Variants in CASP10 observed in about 807,000 individuals in gnomAD.
CASP10 encodes caspase-10.
CASP10 carries 41 observed loss-of-function variants against 48.5 expected under a neutral mutation model. That is an observed-to-expected ratio of 0.85 (90% confidence interval 0.66 to 1.10). The LOEUF is 1.10. Among genes scored for constraint, CASP10 ranks in the 50% least tolerant of loss-of-function variants. The pLI, the probability that CASP10 is intolerant of heterozygous loss-of-function variation, is 0.00. For synonymous variants in CASP10, 232 were observed against 238.4 expected (o/e 0.97, Z 0.25); for missense variants, 614 against 614.5 (o/e 1.00, Z 0.01).
chr2:201,227,553 G>T (rs1945803866), intron 9 of CASP10, among the ~76,000 whole-genome samples: 1 of 151,968 alleles, frequency 6.6e-6, no homozygotes, highest in Admixed American at 6.6e-5. Context: ...AATGTAATTT[G>T]ATTTTTTATT....
chr2:201,200,310 G>A, intron 5 of CASP10: 1 of 757,208 alleles, frequency 1.3e-6, no homozygotes, highest in South Asian at 1.7e-5. Context: ...AGCGTCTGCT[G>A]ATGATTCTTG....
At chr2:201,198,539 C>CTTTTTTTT (rs34234167) in intron 5 of CASP10, among the ~76,000 whole-genome samples, 2 of 87,980 alleles carry the variant, frequency 2.3e-5, no homozygotes, top group Non-Finnish European at 4.2e-5. Context: ...TTTTTTAATT[C>CTTTTTTTT]TTTTTTTTTT....
At chr2:201,229,338 G>A (rs1945831708) in exon 10 of CASP10, 1 of 539,780 alleles carries the variant, frequency 1.9e-6, no homozygotes, top group East Asian at 3.2e-5. Flanking sequence ...ACAAGCGGAT[G>A]GTTAAACAAT....
At chr2:201,215,668 A>G (rs1945547002) in intron 9 of CASP10, among the ~76,000 whole-genome samples, 1 of 152,072 alleles carries the variant, frequency 6.6e-6, no homozygotes, top group Admixed American at 6.6e-5. Flanking sequence ...TTTGTAGTAT[A>G]TTTTGAAGTC....
At position 201,187,686 on chromosome 2, in the gene CASP10, A is replaced by AT. The variant is rs771877930; in HGVS notation, c.348-16dup. ...CCACAAGTGTAAGGCTTTATTTGTC[A>AT]TTTTGGGTGTGTGTCTTAGAAACCT... On this transcript the variant is annotated intron_variant, in intron 2 of 9. Coordinates refer to ENST00000286186, the MANE Select transcript of CASP10 (RefSeq NM_032977.4). 33 of 1,584,856 alleles carry AT rather than the reference A, an allele frequency of 2.1e-5. No individual in the cohort carries two copies. The Admixed American group carries it at 5.0e-4, about 24-fold the overall frequency.
chr2:201,209,219 C>A lies in CASP10; in HGVS notation c.1072C>A (p.His358Asn). The A allele has an allele frequency of 6.2e-7, 1 of 1,614,114 alleles. No individual in the cohort carries two copies. ...CTGCTTCGTGTTCTGTATTCTGACC[C>A]ATGGGAGATTTGGAGCTGTCTACTC... Reference protein sequence around the residue: ...GDCFVFCILTHGRFGAVYSSD... With the variant: ...GDCFVFCILTNGRFGAVYSSD... The change falls in exon 9 of 10, where the codon CAT (histidine) becomes AAT (asparagine). Residue 358 changes from histidine (H) to asparagine (N), a missense_variant. Physicochemically the swap from His to Asn is moderately conservative, Grantham distance 68. Coordinates refer to ENST00000286186, the MANE Select transcript of CASP10 (RefSeq NM_032977.4).
At chr2:201,211,112 G>A (rs575755393) in intron 9 of CASP10, among the ~76,000 whole-genome samples, 9 of 152,232 alleles carry the variant, frequency 5.9e-5, no homozygotes, top group African/African-American at 2.2e-4. Context: ...AGCCTCTCTT[G>A]TAGCTATTTT....
At chr2:201,212,947 G>A (rs1334454473) in intron 9 of CASP10, 1 of 152,192 alleles carries the variant, frequency 6.6e-6, no homozygotes, top group Non-Finnish European at 1.5e-5. Flanking sequence ...TGGGAATGAG[G>A]CTAATGGTGA....
At position 201,219,512 on chromosome 2, in the gene CASP10, G is replaced by C. The variant is rs1945668296; in HGVS notation, c.*1771G>C. The C allele has an allele frequency of 2.0e-6, 2 of 985,284 alleles. No homozygotes were observed. Among genetic ancestry groups the C allele is most frequent in the Non-Finnish European group, 2.4e-6 (2 of 829,968 alleles). 61.0% of individuals were successfully genotyped at this position (985,284 alleles called of 1,614,324 possible). On this transcript the variant is annotated 3_prime_UTR_variant, in exon 10 of 10. Coordinates refer to ENST00000286186, the MANE Select transcript of CASP10 (RefSeq NM_032977.4). ...GACTGCAGTGGACAGTCCCCACCTT[G>C]TTACTGCTACTACACTTTGCTCCTC... is the stretch of plus-strand genomic sequence containing the variant.
rs1394963687 is a variant in CASP10 at position 201,201,302 on chromosome 2, T to TTA, written c.685-2427_685-2426dup. 1.6e-3 allele frequency among the ~76,000 whole-genome samples: 237 copies of TTA among 152,184 alleles called. 1 individual carries two copies. Among genetic ancestry groups the TTA allele is most frequent in the Non-Finnish European group, 7.4e-4 (50 of 68,014 alleles). ...TCCTGAGTCTCCCAAAGTGCTGGGA[T>TTA]TACAGGCATGAGCTATTGTGCATGG... On this transcript the variant is annotated intron_variant, in intron 5 of 9. Coordinates refer to ENST00000286186, the MANE Select transcript of CASP10 (RefSeq NM_032977.4).
chr2:201,194,602 G>A (rs1007627767), intron 4 of CASP10, among the ~76,000 whole-genome samples: 3 of 152,136 alleles, frequency 2.0e-5, no homozygotes, highest in Admixed American at 2.0e-4. Flanking sequence ...CCTCACATGA[G>A]CTCTGAGTTT....
intron 3 of CASP10, among the ~76,000 whole-genome samples, chr2:201,189,251 T>C (rs183403082): frequency 6.7e-6 from 1 of 148,288 alleles, no homozygotes; most frequent in Non-Finnish European, 1.5e-5. Context: ...TGTGAATCCT[T>C]GATTCTTTTC....
intron 5 of CASP10, among the ~76,000 whole-genome samples, chr2:201,201,900 A>G (rs1231920602): frequency 2.0e-5 from 3 of 152,132 alleles, no homozygotes; most frequent in Non-Finnish European, 2.9e-5. Context: ...ATGTTTAAAA[A>G]TTAAATTTAT....
chr2:201,225,073 C>G (rs1481976359), downstream of CASP10, among the ~76,000 whole-genome samples: 1 of 152,172 alleles, frequency 6.6e-6, no homozygotes, highest in Non-Finnish European at 1.5e-5. Flanking sequence ...GCATGTCCCT[C>G]TCTGACAACC....
At chr2:201,225,835 G>A (rs1236532492), downstream of CASP10, among the ~76,000 whole-genome samples, 2 of 152,056 alleles carry the variant, frequency 1.3e-5, no homozygotes, top group African/African-American at 2.4e-5. Flanking sequence ...GCATGGTGGC[G>A]CACACCTGTG....
chr2:201,195,131 G>A (rs779679140), intron 4 of CASP10, among the ~76,000 whole-genome samples: 32 of 151,566 alleles, frequency 2.1e-4, no homozygotes, highest in Admixed American at 8.6e-4. Context: ...TTGCTCTGTC[G>A]CCCAGGCTGG....
chr2:201,210,089 T>C (rs2126049443), intron 9 of CASP10, among the ~76,000 whole-genome samples: 1 of 152,354 alleles, frequency 6.6e-6, no homozygotes, highest in Middle Eastern at 3.4e-3. Flanking sequence ...GCAGAGGGAA[T>C]AGCATGAACA....
At chr2:201,229,232 G>T (rs1029816849) in exon 10 of CASP10, 4 of 858,124 alleles carry the variant, frequency 4.7e-6, no homozygotes, top group Admixed American at 1.9e-5. Context: ...GCACTCTTCT[G>T]TTCCCTTACT....
intron 3 of CASP10, 29 bp downstream of exon 3, chr2:201,187,828 G>A (rs751412726): frequency 2.8e-6 from 4 of 1,437,342 alleles, no homozygotes; most frequent in Non-Finnish European, 3.9e-6. Flanking sequence ...ATGGGTCTGT[G>A]TGAGCACTGT....
Sources: allele counts gnomAD v4.1 joint callset (sites outside exome capture counted in the v4.1 genomes callset), GRCh38; gene constraint gnomAD v4.1.1; transcripts MANE v1.5; gene names NCBI Gene and HGNC (gene_info 2026-07-23, HGNC 2026-07-21).